FRMD4B: variants seen among roughly 807,000 people sequenced by gnomAD.
FRMD4B encodes FERM domain containing 4B, also known as FERM domain-containing protein 4B.
Under a neutral mutation model 141.5 loss-of-function variants are expected in FRMD4B, and 74 were observed. The observed-to-expected ratio is 0.52, with a 90% confidence interval of 0.43 to 0.63. The LOEUF is 0.63. FRMD4B is among the 30% of genes least tolerant of loss of function. The pLI, the probability that FRMD4B is intolerant of heterozygous loss-of-function variation, is 0.00. For synonymous variants in FRMD4B, 506 were observed against 467.9 expected (o/e 1.08, Z -1.05); for missense variants, 1,366 against 1,253.4 (o/e 1.09, Z -1.36).
intron 7 of FRMD4B, among the ~76,000 whole-genome samples, chr3:69,244,464 ATGTT>A (rs1373426758): frequency 2.0e-5 from 3 of 152,182 alleles, no homozygotes; most frequent in Admixed American, 1.3e-4. Flanking sequence ...ATTTTGGTCA[ATGTT>A]TGTTTGTTTA....
rs569788723 is a variant in FRMD4B, at chr3:69,314,227, T to TTA, written c.163-711_163-710insTA. ...ATTTTTCCTGGAATTAATGTTTTATTAAAAAAAAAAAAAAAGCCAGCCAGG... is the reference window on the plus strand; with the variant it reads ...ATTTTTCCTGGAATTAATGTTTTATTTAAAAAAAAAAAAAAAAGCCAGCCAGG... On this transcript the variant is annotated intron_variant, in intron 1 of 22. Coordinates refer to ENST00000398540, the MANE Select transcript of FRMD4B (RefSeq NM_015123.3). Among the ~76,000 whole-genome samples the TTA allele has an allele frequency of 4.6e-5, 5 of 109,242 alleles. 1 individual carries two copies. The highest frequency in any genetic ancestry group is 2.1e-4 in the Admixed American group (2 of 9,354). 71.7% of individuals were successfully genotyped at this position (109,242 alleles called of 152,430 possible). A position where few individuals can be genotyped will look rare whatever the true frequency, so the allele number is the denominator to read the frequency against.
At position 69,265,609 on chromosome 3, in the gene FRMD4B, G is replaced by A. The variant is rs558654731; in HGVS notation, c.502-15510C>T. On this transcript the variant is annotated intron_variant, in intron 5 of 22. Coordinates refer to ENST00000398540, the MANE Select transcript of FRMD4B (RefSeq NM_015123.3). ...ACTATAGGCGCCCACCACCAAGCCC[G>A]GCTAATTTTTTGTATTTTTAGTAGT... Among the ~76,000 whole-genome samples the A allele has an allele frequency of 1.7e-4, 25 of 151,228 alleles. No homozygotes were observed. The South Asian group carries it at 5.1e-3, about 31-fold the overall frequency.
intron 2 of FRMD4B, among the ~76,000 whole-genome samples, chr3:69,408,508 T>A (rs1490284055): frequency 6.6e-6 from 1 of 152,136 alleles, no homozygotes; most frequent in African/African-American, 2.4e-5. Flanking sequence ...CACCAGCACT[T>A]GGAGAACATA....
At chr3:69,481,688 C>G (rs1296140584) in intron 1 of FRMD4B, among the ~76,000 whole-genome samples, 1 of 152,076 alleles carries the variant, frequency 6.6e-6, no homozygotes, top group Non-Finnish European at 1.5e-5. Context: ...TTGGCCATGG[C>G]AACTCTCAAG....
chr3:69,312,924 T>C (rs142332533), intron 2 of FRMD4B, among the ~76,000 whole-genome samples: 261 of 152,266 alleles, frequency 1.7e-3, no homozygotes, highest in Non-Finnish European at 2.6e-3. Flanking sequence ...TCATCACTTA[T>C]ATAGTGCCAT....
At chr3:69,330,284 T>C (rs1338015924) in intron 1 of FRMD4B, among the ~76,000 whole-genome samples, 1 of 151,358 alleles carries the variant, frequency 6.6e-6, no homozygotes, top group Non-Finnish European at 1.5e-5. Context: ...TGTCTTTTTT[T>C]TTTTTTAATA....
At chr3:69,391,198 T>C (rs373077725) in intron 2 of FRMD4B, among the ~76,000 whole-genome samples, 1 of 151,878 alleles carries the variant, frequency 6.6e-6, no homozygotes, top group East Asian at 1.9e-4. Flanking sequence ...TTAATATTTT[T>C]GTACTTCAGT....
intron 13 of FRMD4B, 40 bp downstream of exon 13, chr3:69,196,860 A>T: frequency 6.7e-7 from 1 of 1,497,752 alleles, no homozygotes; most frequent in Non-Finnish European, 9.2e-7. Flanking sequence ...AGAATGCAAA[A>T]GGGGAATCTG....
chr3:69,436,212 T>C (rs1472836205), intron 1 of FRMD4B, among the ~76,000 whole-genome samples: 2 of 152,228 alleles, frequency 1.3e-5, no homozygotes, highest in African/African-American at 4.8e-5. Flanking sequence ...CAATCTCTAA[T>C]GATAAATATC....
intron 1 of FRMD4B, among the ~76,000 whole-genome samples, chr3:69,463,463 G>A (rs1443949802): frequency 6.6e-6 from 1 of 152,154 alleles, no homozygotes; most frequent in East Asian, 1.9e-4. Flanking sequence ...TAAAGTTCAC[G>A]ATCAAAACAT....
intron 19 of FRMD4B, among the ~76,000 whole-genome samples, chr3:69,186,627 G>C (rs1202370377): frequency 6.6e-6 from 1 of 152,204 alleles, no homozygotes; most frequent in African/African-American, 2.4e-5. Context: ...TGGGAGAATT[G>C]CCTGAAGCCA....
At chr3:69,476,571 T>G (rs1203489365) in intron 1 of FRMD4B, among the ~76,000 whole-genome samples, 7 of 152,202 alleles carry the variant, frequency 4.6e-5, no homozygotes, top group African/African-American at 1.7e-4. Flanking sequence ...ATATCTCTGT[T>G]TTGGTACCAG....
intron 1 of FRMD4B, among the ~76,000 whole-genome samples, chr3:69,322,266 T>C (rs759321713): frequency 2.6e-5 from 4 of 152,162 alleles, no homozygotes; most frequent in Non-Finnish European, 4.4e-5. Flanking sequence ...CAACCCTAGC[T>C]GAACAGGGCC....
chr3:69,509,798 G>T (rs72937423), intron 1 of FRMD4B, among the ~76,000 whole-genome samples: 1,978 of 151,826 alleles, frequency 0.013, 41 homozygotes, highest in African/African-American at 0.045. Context: ...CCAACAGCAT[G>T]TACTCACTTT....
intron 11 of FRMD4B, chr3:69,200,352 A>G: frequency 1.2e-6 from 1 of 842,802 alleles, no homozygotes; most frequent in South Asian, 5.3e-5. Flanking sequence ...AGAATTAATA[A>G]AAGTATAAAG....
At chr3:69,399,095 T>A (rs989453269) in intron 2 of FRMD4B, among the ~76,000 whole-genome samples, 2 of 152,106 alleles carry the variant, frequency 1.3e-5, no homozygotes, top group African/African-American at 4.8e-5. Context: ...GAAGCCCAAA[T>A]GCAATAATTG....
chr3:69,287,607 T>G, intron 5 of FRMD4B, 145 bp downstream of exon 5: 1 of 620,020 alleles, frequency 1.6e-6, no homozygotes, highest in Non-Finnish European at 2.9e-6. Flanking sequence ...ATGTGTGTAG[T>G]TGGGGGGTAG....
chr3:69,533,094 C>G (rs1365096144), intron 1 of FRMD4B, among the ~76,000 whole-genome samples: 4 of 152,192 alleles, frequency 2.6e-5, no homozygotes, highest in Non-Finnish European at 5.9e-5. Context: ...ATAGTTTAGT[C>G]AGCAAGGCAG....
At chr3:69,445,942 T>C (rs1705404397) in intron 1 of FRMD4B, among the ~76,000 whole-genome samples, 2 of 152,228 alleles carry the variant, frequency 1.3e-5, no homozygotes, top group South Asian at 4.1e-4. Flanking sequence ...CTTTGTCCTG[T>C]TCACTGCTAC....
Sources: gnomAD v4.1 joint callset for allele counts (sites outside exome capture counted in the v4.1 genomes callset) on GRCh38, gnomAD v4.1.1 for gene constraint, MANE v1.5 for transcripts, NCBI Gene and HGNC (gene_info 2026-07-23, HGNC 2026-07-21) for gene names.